Variants in BLTP2 observed in about 807,000 individuals in gnomAD.
BLTP2 encodes the protein U937-associated antigen.
chr17:28,619,563 C>A, the BLTP2 span: 1 of 1,516,930 alleles, frequency 6.6e-7, no homozygotes. Flanking sequence ...ATAATGCACA[C>A]TAGACCTAAA....
chr17:28,631,343 C>G, the BLTP2 span: 1 of 786,054 alleles, frequency 1.3e-6, no homozygotes, highest in Non-Finnish European at 2.1e-6. Flanking sequence ...TCTTGGACTT[C>G]CCAGTAGCCA....
chr17:28,635,439 T>C, the BLTP2 span: 2 of 1,614,124 alleles, frequency 1.2e-6, no homozygotes, highest in Non-Finnish European at 1.7e-6. Context: ...GGGCACGGCC[T>C]TCTAGCTCAG....
chr17:28,620,133 C>T, the BLTP2 span: 38 of 911,282 alleles, frequency 4.2e-5, no homozygotes, highest in Non-Finnish European at 5.7e-5. Context: ...TAACCTTTAT[C>T]TGTCACTGGT....
the BLTP2 span, chr17:28,617,335 T>C: frequency 1.3e-6 from 2 of 1,595,008 alleles, no homozygotes; most frequent in Admixed American, 1.7e-5. Context: ...AGACAGATTT[T>C]GCCCCATCTA....
At chr17:28,624,186 G>A in the BLTP2 span, 3 of 1,585,934 alleles carry the variant, frequency 1.9e-6, no homozygotes, top group Non-Finnish European at 2.6e-6. Flanking sequence ...GGAACAATAT[G>A]ATCATGATCT....
the BLTP2 span, among the ~76,000 whole-genome samples, chr17:28,623,461 G>A: frequency 1.3e-5 from 2 of 152,098 alleles, no homozygotes; most frequent in Admixed American, 6.5e-5. Context: ...TGTTTTCTTG[G>A]CTGCCTGCTG....
At chr17:28,638,912 T>C in the BLTP2 span, 2 of 445,752 alleles carry the variant, frequency 4.5e-6, no homozygotes, top group Non-Finnish European at 4.0e-6. Flanking sequence ...AGCAATACTA[T>C]ACGCTTGAAC....
At chr17:28,639,454 T>C in the BLTP2 span, 1 of 1,611,902 alleles carries the variant, frequency 6.2e-7, no homozygotes, top group East Asian at 2.2e-5. Context: ...AGGTCAATGG[T>C]GGTCACCTGA....
the BLTP2 span, among the ~76,000 whole-genome samples, chr17:28,641,674 A>G: frequency 6.6e-6 from 1 of 151,284 alleles, no homozygotes; most frequent in East Asian, 1.9e-4. Flanking sequence ...AAAAAAACCC[A>G]TAGTACAGGT....
chr17:28,639,355 G>A, the BLTP2 span: 1 of 1,614,128 alleles, frequency 6.2e-7, no homozygotes, highest in South Asian at 1.1e-5. Context: ...CTAGACCCTT[G>A]GGTTTCCAGT....
At chr17:28,628,634 G>T in the BLTP2 span, 1 of 1,304,630 alleles carries the variant, frequency 7.7e-7, no homozygotes, top group Non-Finnish European at 1.1e-6. Context: ...ATAAAAGTTT[G>T]TTGAATAAGA....
chr17:28,620,924 A>G, the BLTP2 span: 2 of 1,455,068 alleles, frequency 1.4e-6, no homozygotes, highest in Non-Finnish European at 1.9e-6. Flanking sequence ...CAAAACCACC[A>G]AGGAAATAAC....
chr17:28,615,018 C>T, the BLTP2 span: 1 of 1,562,364 alleles, frequency 6.4e-7, no homozygotes, highest in Non-Finnish European at 8.7e-7. Context: ...TCCCTGGAGC[C>T]TGAGCCAGAG....
At chr17:28,639,717 C>T in the BLTP2 span, 60 of 1,465,932 alleles carry the variant, frequency 4.1e-5, no homozygotes, top group Non-Finnish European at 5.5e-5. Flanking sequence ...GGGTCAGAAG[C>T]CGGCAAAGGG....
the BLTP2 span, chr17:28,631,780 G>A: frequency 1.2e-6 from 2 of 1,606,186 alleles, no homozygotes; most frequent in Middle Eastern, 1.6e-4. Flanking sequence ...GGAAAAACAA[G>A]GAACAGGATA....
chr17:28,631,394 TC>T, the BLTP2 span: 1 of 1,263,022 alleles, frequency 7.9e-7, no homozygotes. Flanking sequence ...CCTCCCAGTC[TC>T]TGGTATTTTG....
the BLTP2 span, chr17:28,632,054 G>A: frequency 6.2e-7 from 1 of 1,612,246 alleles, no homozygotes; most frequent in Non-Finnish European, 8.5e-7. Flanking sequence ...CTTACCTGCA[G>A]CTGGGGAAAG....
the BLTP2 span, among the ~76,000 whole-genome samples, chr17:28,641,410 G>A: frequency 6.6e-6 from 1 of 152,216 alleles, no homozygotes; most frequent in Non-Finnish European, 1.5e-5. Context: ...GGGAGGCCAA[G>A]GCTGGCGGAT....
chr17:28,626,713 G>A, the BLTP2 span, among the ~76,000 whole-genome samples: 2 of 152,206 alleles, frequency 1.3e-5, no homozygotes, highest in Non-Finnish European at 2.9e-5. Flanking sequence ...AGCTGAACAC[G>A]TAGAGGTTCC....
Sources: allele counts gnomAD v4.1 joint callset (sites outside exome capture counted in the v4.1 genomes callset), GRCh38; gene constraint gnomAD v4.1.1; transcripts MANE v1.5; gene names NCBI Gene and HGNC (gene_info 2026-07-23, HGNC 2026-07-21).